Variants in KLF12 observed in about 807,000 individuals in gnomAD.
KLF12 encodes the protein Krueppel-like factor 12.
A neutral mutation model predicts 37.8 loss-of-function variants in KLF12; 9 were observed. The ratio of observed to expected loss-of-function variants is 0.24; its 90% CI spans 0.14 to 0.42. KLF12 has a LOEUF of 0.42. KLF12 is among the 10% of genes least tolerant of loss of function. The pLI is 1.00. For synonymous variants in KLF12, 208 were observed against 202.1 expected, an observed-to-expected ratio of 1.03 and a Z score of -0.25; for missense variants, 411 against 516.0, an observed-to-expected ratio of 0.80 and a Z score of 1.97.
At chr13:73,866,021 G>A (rs758458884) in intron 3 of KLF12, among the ~76,000 whole-genome samples, 25 of 152,130 alleles carry the variant, frequency 1.6e-4, no homozygotes, top group Non-Finnish European at 2.6e-4. Context: ...TTTGGGAGGC[G>A]GAGGTGGGTG....
chr13:73,794,182 C>T (rs998628712), intron 5 of KLF12, among the ~76,000 whole-genome samples: 1 of 152,194 alleles, frequency 6.6e-6, no homozygotes, highest in Non-Finnish European at 1.5e-5. Flanking sequence ...GGTGACAGGC[C>T]GGGTGTGATG....
intron 1 of KLF12, among the ~76,000 whole-genome samples, chr13:74,014,540 G>A (rs1892639357): frequency 6.6e-6 from 1 of 152,140 alleles, no homozygotes. Context: ...ATTGATATAG[G>A]AAATATGGCT....
chr13:73,950,043 A>G (rs1890585894), intron 2 of KLF12, among the ~76,000 whole-genome samples: 1 of 152,212 alleles, frequency 6.6e-6, no homozygotes, highest in Admixed American at 6.5e-5. Flanking sequence ...CCTCACATTG[A>G]AGCATATGGA....
the KLF12 span, among the ~76,000 whole-genome samples, chr13:74,221,452 C>T: frequency 1.3e-5 from 2 of 151,666 alleles, no homozygotes; most frequent in Admixed American, 6.6e-5. Flanking sequence ...ATTTCTGTAG[C>T]CCATATTCTT....
At chr13:73,989,809 G>C (rs575451057) in intron 2 of KLF12, among the ~76,000 whole-genome samples, 1 of 152,098 alleles carries the variant, frequency 6.6e-6, no homozygotes, top group East Asian at 1.9e-4. Flanking sequence ...GTAAGCAAGA[G>C]GCCAATGAAG....
the KLF12 span, chr13:74,259,214 A>G: frequency 2.6e-5 from 4 of 152,250 alleles, no homozygotes; most frequent in African/African-American, 9.6e-5. Context: ...CAGGGCACCA[A>G]GCATCTGCCG....
chr13:74,286,611 A>T, the KLF12 span, among the ~76,000 whole-genome samples: 1 of 152,200 alleles, frequency 6.6e-6, no homozygotes, highest in Non-Finnish European at 1.5e-5. Context: ...AAAAATTGTT[A>T]GCACTGATAA....
chr13:73,986,615 G>A (rs1473927650), intron 2 of KLF12, among the ~76,000 whole-genome samples: 3 of 152,116 alleles, frequency 2.0e-5, no homozygotes, highest in Non-Finnish European at 4.4e-5. Context: ...GTCACAGATG[G>A]AATTAAAGTT....
chr13:74,084,229 T>C (rs1446155452), intron 1 of KLF12, among the ~76,000 whole-genome samples: 3 of 152,156 alleles, frequency 2.0e-5, no homozygotes, highest in African/African-American at 4.8e-5. Context: ...AATAAGAGAA[T>C]TGAATCAACC....
At chr13:74,161,423 G>T in the KLF12 span, among the ~76,000 whole-genome samples, 1 of 152,162 alleles carries the variant, frequency 6.6e-6, no homozygotes, top group Non-Finnish European at 1.5e-5. Flanking sequence ...GACACATACA[G>T]AGGCACAGGG....
the KLF12 span, among the ~76,000 whole-genome samples, chr13:74,209,341 TC>T: frequency 2.0e-5 from 3 of 152,122 alleles, no homozygotes; most frequent in East Asian, 5.8e-4. Context: ...TAAAAAGTTG[TC>T]ATTTTAATTG....
intron 3 of KLF12, among the ~76,000 whole-genome samples, chr13:73,921,467 C>T (rs541566854): frequency 2.0e-5 from 3 of 152,210 alleles, no homozygotes; most frequent in South Asian, 4.2e-4. Context: ...TTGTGCCTAA[C>T]TCAATATTTT....
At chr13:73,961,075 T>C (rs1891010001) in intron 2 of KLF12, among the ~76,000 whole-genome samples, 2 of 152,276 alleles carry the variant, frequency 1.3e-5, no homozygotes, top group Non-Finnish European at 2.9e-5. Context: ...AGATTTACAC[T>C]TGTCAGATTT....
At chr13:73,796,403 C>A (rs1881967972) in intron 5 of KLF12, among the ~76,000 whole-genome samples, 1 of 151,800 alleles carries the variant, frequency 6.6e-6, no homozygotes, top group Non-Finnish European at 1.5e-5. Context: ...AGGCTTCTCA[C>A]ATTTTATTCT....
chr13:74,215,705 C>T, the KLF12 span, among the ~76,000 whole-genome samples: 1 of 152,106 alleles, frequency 6.6e-6, no homozygotes, highest in Non-Finnish European at 1.5e-5. Context: ...TTTCGCTGCA[C>T]CAGAGATTTT....
intron 4 of KLF12, among the ~76,000 whole-genome samples, chr13:73,832,666 T>C (rs1458442633): frequency 6.6e-6 from 1 of 152,258 alleles, no homozygotes; most frequent in Non-Finnish European, 1.5e-5. Context: ...ATCTTTGTTT[T>C]ATGGATGCAA....
At chr13:73,928,874 G>T (rs1889531567) in intron 3 of KLF12, among the ~76,000 whole-genome samples, 1 of 152,112 alleles carries the variant, frequency 6.6e-6, no homozygotes, top group Non-Finnish European at 1.5e-5. Context: ...GATTACTAGG[G>T]TGTCAGATAA....
chr13:73,977,650 C>G (rs982839645), intron 2 of KLF12, among the ~76,000 whole-genome samples: 1 of 152,052 alleles, frequency 6.6e-6, no homozygotes, highest in Non-Finnish European at 1.5e-5. Context: ...AGGCTAAAGA[C>G]CTAGAATAGT....
chr13:73,785,545 G>C (rs1031305328), intron 5 of KLF12, among the ~76,000 whole-genome samples: 1 of 151,594 alleles, frequency 6.6e-6, no homozygotes, highest in African/African-American at 2.4e-5. Context: ...TGTTCACTTG[G>C]ATATCCACTA....
Sources: allele counts gnomAD v4.1 joint callset (sites outside exome capture counted in the v4.1 genomes callset), GRCh38; gene constraint gnomAD v4.1.1; transcripts MANE v1.5; gene names NCBI Gene and HGNC (gene_info 2026-07-23, HGNC 2026-07-21).